CTNNA3: variants seen among roughly 807,000 people sequenced by gnomAD.
The protein encoded by CTNNA3 is catenin alpha 3.
In CTNNA3, 76 loss-of-function variants were observed where a neutral mutation model predicts 95.7. The ratio of observed to expected loss-of-function variants is 0.79; its 90% CI spans 0.66 to 0.96. CTNNA3 has a LOEUF of 0.96. CTNNA3 is among the 40% of genes least tolerant of loss of function. The pLI is 0.00. For missense variants in CTNNA3, 1,191 were observed against 1,089.8 expected (o/e 1.09, Z -1.31); for synonymous variants, 431 against 374.4 (o/e 1.15, Z -1.74).
intron 5 of CTNNA3, among the ~76,000 whole-genome samples, chr10:67,436,028 CA>C (rs1846289570): frequency 6.6e-6 from 1 of 152,000 alleles, no homozygotes; most frequent in Non-Finnish European, 1.5e-5. Flanking sequence ...CAAGAGAAAG[CA>C]AAAAGAACAA....
intron 7 of CTNNA3, among the ~76,000 whole-genome samples, chr10:66,825,324 G>A (rs1374226850): frequency 2.7e-5 from 4 of 148,598 alleles, no homozygotes; most frequent in Non-Finnish European, 5.9e-5. Flanking sequence ...CGCCCAGGCT[G>A]GAGTGTGGTG....
intron 5 of CTNNA3, among the ~76,000 whole-genome samples, chr10:67,313,633 A>T (rs1035945149): frequency 1.3e-5 from 2 of 152,136 alleles, no homozygotes; most frequent in Non-Finnish European, 2.9e-5. Flanking sequence ...TGGCAATGCC[A>T]ATTAGTGGAG....
intron 7 of CTNNA3, among the ~76,000 whole-genome samples, chr10:67,163,402 T>C (rs1861630687): frequency 6.6e-6 from 1 of 152,000 alleles, no homozygotes; most frequent in Non-Finnish European, 1.5e-5. Flanking sequence ...GGCATTTATC[T>C]GACAAAATTC....
At chr10:67,614,958 C>T (rs1219295577) in intron 2 of CTNNA3, among the ~76,000 whole-genome samples, 1 of 152,132 alleles carries the variant, frequency 6.6e-6, no homozygotes, top group Admixed American at 6.5e-5. Flanking sequence ...CTGATAAGGA[C>T]ACCAGTCATA....
intron 5 of CTNNA3, among the ~76,000 whole-genome samples, chr10:67,432,104 A>C (rs1249471598): frequency 1.3e-5 from 2 of 152,052 alleles, no homozygotes; most frequent in Non-Finnish European, 2.9e-5. Flanking sequence ...TGCAGTGTAT[A>C]AAGGAAAATT....
intron 15 of CTNNA3, among the ~76,000 whole-genome samples, chr10:66,020,943 G>T (rs2079192728): frequency 6.6e-6 from 1 of 152,030 alleles, no homozygotes; most frequent in South Asian, 2.1e-4. Context: ...AAATTGCTGG[G>T]ATTACACACG....
chr10:67,340,034 T>C (rs1451013299), intron 5 of CTNNA3, among the ~76,000 whole-genome samples: 1 of 152,182 alleles, frequency 6.6e-6, no homozygotes, highest in Non-Finnish European at 1.5e-5. Context: ...AAATGCCTAA[T>C]AAAATAATAT....
At chr10:67,255,505 T>C (rs1221292133) in intron 5 of CTNNA3, among the ~76,000 whole-genome samples, 5 of 152,184 alleles carry the variant, frequency 3.3e-5, no homozygotes, top group African/African-American at 9.6e-5. Context: ...GCTCTGTGTA[T>C]AGTGCTTATT....
intron 5 of CTNNA3, among the ~76,000 whole-genome samples, chr10:67,505,547 C>T (rs1289060628): frequency 1.3e-5 from 2 of 152,112 alleles, no homozygotes; most frequent in African/African-American, 4.8e-5. Flanking sequence ...AGGGAGGAAA[C>T]ATTATAATTT....
intron 11 of CTNNA3, among the ~76,000 whole-genome samples, chr10:66,412,232 A>G (rs2093111181): frequency 6.6e-6 from 1 of 152,186 alleles, no homozygotes; most frequent in Non-Finnish European, 1.5e-5. Flanking sequence ...AGTGGTGGTC[A>G]GAAAATAGCA....
At chr10:67,224,553 G>A (rs1300351438) in intron 5 of CTNNA3, among the ~76,000 whole-genome samples, 8 of 152,130 alleles carry the variant, frequency 5.3e-5, no homozygotes, top group Non-Finnish European at 7.3e-5. Context: ...CCCCAACTGC[G>A]GAAGTGGGAA....
At position 66,077,503 on chromosome 10, in the gene CTNNA3, C is replaced by T. The variant is rs1717937466; in HGVS notation, c.1978-8014G>A. Among the ~76,000 whole-genome samples the T allele has an allele frequency of 1.3e-5, 2 of 151,804 alleles. 1 individual carries two copies. Among genetic ancestry groups the T allele is most frequent in the South Asian group, 4.1e-4 (2 of 4,826 alleles). On this transcript the variant is annotated intron_variant, in intron 14 of 17. Coordinates refer to ENST00000433211, the MANE Select transcript of CTNNA3 (RefSeq NM_013266.4). ...GATTCTCTGGGCCTGAGAAATAAAG[C>T]AGTCCATGCACATTTTACCAATAAA...
At chr10:67,250,278 C>T (rs773470886) in intron 5 of CTNNA3, among the ~76,000 whole-genome samples, 1 of 151,522 alleles carries the variant, frequency 6.6e-6, no homozygotes, top group Admixed American at 6.6e-5. Context: ...GGCAGTGGCA[C>T]GGTCTCAGCT....
At chr10:66,430,424 A>G (rs190303676) in intron 11 of CTNNA3, among the ~76,000 whole-genome samples, 2,373 of 152,320 alleles carry the variant, frequency 0.016, 32 homozygotes, top group Middle Eastern at 0.044. Flanking sequence ...TATGGAACCA[A>G]AAAAGAGCCT....
intron 5 of CTNNA3, among the ~76,000 whole-genome samples, chr10:67,335,885 TG>T (rs1841977354): frequency 6.6e-6 from 1 of 151,090 alleles, no homozygotes; most frequent in Non-Finnish European, 1.5e-5. Flanking sequence ...TCACAAATAG[TG>T]TTTTTTTTTT....
chr10:66,768,697 T>C (rs1369472286), intron 8 of CTNNA3, among the ~76,000 whole-genome samples: 2 of 152,072 alleles, frequency 1.3e-5, no homozygotes, highest in African/African-American at 2.4e-5. Context: ...AAGATGGAAA[T>C]TCATGATCCC....
chr10:66,827,040 T>C (rs1842540725), intron 7 of CTNNA3, among the ~76,000 whole-genome samples: 2 of 152,186 alleles, frequency 1.3e-5, no homozygotes, highest in South Asian at 4.1e-4. Flanking sequence ...GACCAGCACC[T>C]GCAGCATCAA....
intron 7 of CTNNA3, among the ~76,000 whole-genome samples, chr10:67,019,199 TTTC>T (rs1441461885): frequency 1.3e-5 from 2 of 152,154 alleles, no homozygotes; most frequent in Admixed American, 6.5e-5. Flanking sequence ...TCTTGCCACT[TTTC>T]TTTTTTTAAT....
intron 9 of CTNNA3, among the ~76,000 whole-genome samples, chr10:66,626,542 G>T (rs578084659): frequency 8.6e-5 from 13 of 151,916 alleles, no homozygotes; most frequent in Admixed American, 8.5e-4. Context: ...TAGTCCCATT[G>T]CAGGACAGCC....
Sources: gnomAD v4.1 joint callset for allele counts (sites outside exome capture counted in the v4.1 genomes callset) on GRCh38, gnomAD v4.1.1 for gene constraint, MANE v1.5 for transcripts, NCBI Gene and HGNC (gene_info 2026-07-23, HGNC 2026-07-21) for gene names.